NRBP2: variants seen among roughly 807,000 people sequenced by gnomAD.
NRBP2 encodes the protein nuclear receptor-binding protein 2.
Under a neutral mutation model 74.4 loss-of-function variants are expected in NRBP2, and 47 were observed. The ratio of observed to expected loss-of-function variants is 0.63; its 90% CI spans 0.50 to 0.81. NRBP2 has a LOEUF of 0.81. NRBP2 is among the 30% of genes least tolerant of loss of function. The pLI, the probability that NRBP2 is intolerant of heterozygous loss-of-function variation, is 0.00. For missense variants in NRBP2, 613 were observed against 690.1 expected (o/e 0.89, Z 1.25); for synonymous variants, 312 against 273.8 (o/e 1.14, Z -1.38).
Position 143,840,643 on chromosome 8 carries a change from G to T in NRBP2, c.129+63C>A. Reference sequence around the variant, plus strand: ...TCCCAGCGCCCCCACGCCCCGCGCAGCCTCCAGGCCCCTCCCGCTCTGGGA... The same window carrying T: ...TCCCAGCGCCCCCACGCCCCGCGCATCCTCCAGGCCCCTCCCGCTCTGGGA... On this transcript the variant is annotated intron_variant, in intron 1 of 17. Coordinates refer to ENST00000442628, the MANE Select transcript of NRBP2 (RefSeq NM_178564.4). This position sits in a 1 kb window ranked among gnomAD's most constrained non-coding sequence, Gnocchi z 5.7. 1 of 1,348,312 alleles carries T rather than the reference G, an allele frequency of 7.4e-7. No individual in the cohort carries two copies. Among genetic ancestry groups the T allele is most frequent in the Non-Finnish European group, 9.6e-7 (1 of 1,037,546 alleles). 83.5% of individuals were successfully genotyped at this position (1,348,312 alleles called of 1,614,324 possible).
Position 143,840,587 on chromosome 8 carries a change from G to T in NRBP2, c.129+119C>A. The stretch of plus-strand genomic sequence containing the variant: ...GGTGGCTGATTCGCGGGCCGCGAGG[G>T]GCCGCGGAGAGGTTTCCAGCCGCCG... On this transcript the variant is annotated intron_variant, in intron 1 of 17. Transcript: ENST00000442628. The surrounding 1 kb of genome is among the most constrained non-coding windows in gnomAD (Gnocchi z 5.7). The T allele has an allele frequency of 2.9e-6, 3 of 1,031,758 alleles. No individual in the cohort carries two copies. The highest frequency in any genetic ancestry group is 4.0e-6 in the Non-Finnish European group (3 of 755,616). 63.9% of individuals were successfully genotyped at this position (1,031,758 alleles called of 1,614,324 possible). A position where few individuals can be genotyped will look rare whatever the true frequency, so the allele number is the denominator to read the frequency against.
At chr8:143,831,860 CAA>C (rs1335963125), downstream of NRBP2, among the ~76,000 whole-genome samples, 1 of 152,148 alleles carries the variant, frequency 6.6e-6, no homozygotes, top group Non-Finnish European at 1.5e-5. Context: ...CAGGAAGGCA[CAA>C]GAGTTCTTGG....
downstream of NRBP2, among the ~76,000 whole-genome samples, chr8:143,830,032 C>T (rs782653332): frequency 2.6e-5 from 4 of 152,224 alleles, no homozygotes; most frequent in African/African-American, 7.2e-5. Context: ...CCGAAGAAGC[C>T]ACATCTGTAA....
chr8:143,835,709 C>A lies in NRBP2; in HGVS notation c.1459G>T (p.Ala487Ser). The A allele has an allele frequency of 6.2e-7, 1 of 1,600,340 alleles. No individual in the cohort carries two copies. The highest frequency in any genetic ancestry group is 8.5e-7 in the Non-Finnish European group (1 of 1,174,676). ...TTGAGGAAGGTGCTCTCCAGGAAGG[C>A]GGCCAGCTTCATCCGGTCGTCCTGC... is the stretch of plus-strand genomic sequence containing the variant. ...LHEDDRMKLA[A>S]FLESTFLKYR... Residue 487 changes from alanine to serine, a missense_variant, in exon 18 of 18, where the codon GCC (alanine) becomes TCC (serine). Transcript: ENST00000442628. This position sits in a 1 kb window ranked among gnomAD's most constrained non-coding sequence, Gnocchi z 4.9.
intron 14 of NRBP2, 70 bp downstream of exon 14, chr8:143,836,969 G>A (rs1420971711): frequency 2.0e-6 from 3 of 1,525,818 alleles, no homozygotes; most frequent in Non-Finnish European, 1.8e-6. Context: ...CTAAGAGAAG[G>A]AGGGGCACCT....
chr8:143,837,603 C>T lies in NRBP2; in HGVS notation c.973+20G>A, dbSNP rs373661097. On this transcript the variant is annotated intron_variant, in intron 11 of 17. Coordinates refer to ENST00000442628, the MANE Select transcript of NRBP2 (RefSeq NM_178564.4). The surrounding 1 kb of genome is among the most constrained non-coding windows in gnomAD (Gnocchi z 4.3). ...AACCTCCACCTCCCCAGCCACCCCC[C>T]GGGCCGGCCTGCTGCTCACACTGGT... The T allele has an allele frequency of 1.5e-4, 244 of 1,597,842 alleles. 4 individuals carry two copies. In the Middle Eastern group the frequency reaches 8.8e-3, roughly 58 times the overall value.
Position 143,835,808 on chromosome 8 carries a change from C to T in NRBP2, c.1437+12G>A, listed in dbSNP as rs370359045. On this transcript the variant is annotated intron_variant, in intron 17 of 17. Transcript: ENST00000442628. This position sits in a 1 kb window ranked among gnomAD's most constrained non-coding sequence, Gnocchi z 4.9. ...CCCCCTCCGCCAGGCCGCGCCGCACCGCCCAGCGCACCTCGTGGAGGAAGC... is the reference window on the plus strand; with the variant it reads ...CCCCCTCCGCCAGGCCGCGCCGCACTGCCCAGCGCACCTCGTGGAGGAAGC... 1.2e-3 allele frequency: 1,967 copies of T among 1,600,418 alleles called. 4 individuals carry two copies. Among genetic ancestry groups the T allele is most frequent in the Non-Finnish European group, 1.6e-3 (1,835 of 1,174,378 alleles).
Position 143,837,688 on chromosome 8 carries a change from T to C in NRBP2, c.908A>G (p.His303Arg). Residue 303 changes from histidine to arginine, a missense_variant, in exon 11 of 18, where the codon CAC (histidine) becomes CGC (arginine). Physicochemically the swap from His to Arg is conservative, Grantham distance 29. Coordinates refer to ENST00000442628, the MANE Select transcript of NRBP2 (RefSeq NM_178564.4). The surrounding 1 kb of genome is among the most constrained non-coding windows in gnomAD (Gnocchi z 4.3). ...RRPSAHSLLF[H>R]RVLFEVHSLK... ...CGAGTGCACCTCGAAGAGCACGCGG[T>C]GGAAGAGGAGGCTGTGGGCAGAGGG... 6.3e-7 allele frequency: 1 copy of C among 1,577,596 alleles called. No homozygotes were observed. Among genetic ancestry groups the C allele is most frequent in the Non-Finnish European group, 8.6e-7 (1 of 1,161,472 alleles).
At chr8:143,838,099 T>A in intron 10 of NRBP2, 1 of 532,928 alleles carries the variant, frequency 1.9e-6, no homozygotes, top group South Asian at 1.7e-5. Flanking sequence ...ACGACCTTGA[T>A]GGGTCCCCAC....
rs372941754 is a variant in NRBP2 at position 143,835,781 on chromosome 8, C to T, written c.1437+39G>A. ...ACGGAGGGGCGCGGCCTGCCCCGTG[C>T]GCCCCCTCCGCCAGGCCGCGCCGCA... On this transcript the variant is annotated intron_variant, in intron 17 of 17. Transcript: ENST00000442628. This position sits in a 1 kb window ranked among gnomAD's most constrained non-coding sequence, Gnocchi z 4.9. 125 of 1,601,440 alleles carry T rather than the reference C, an allele frequency of 7.8e-5. No homozygotes were observed. Among genetic ancestry groups the T allele is most frequent in the African/African-American group, 7.0e-4 (52 of 74,486 alleles).
chr8:143,830,933 T>C (rs1818137774), downstream of NRBP2, among the ~76,000 whole-genome samples: 2 of 152,218 alleles, frequency 1.3e-5, no homozygotes, highest in Admixed American at 6.5e-5. Flanking sequence ...AGATGAAGTC[T>C]TCCAGAATGT....
In NRBP2 at chr8:143,839,490, G is replaced by C; in HGVS notation, c.485+19C>G. The C allele has an allele frequency of 6.5e-7, 1 of 1,532,690 alleles. No homozygotes were observed. Among genetic ancestry groups the C allele is most frequent in the Non-Finnish European group, 8.7e-7 (1 of 1,145,706 alleles). The allele number at this position is 1,532,690 out of a possible 1,614,324, so 94.9% of individuals were successfully genotyped here. On this transcript the variant is annotated intron_variant, in intron 5 of 17. Transcript: ENST00000442628. This position sits in a 1 kb window ranked among gnomAD's most constrained non-coding sequence, Gnocchi z 5.1. ...TGGGGGCTCGGTGGCGCCGCGCCCAGGCCAGCCCAGGCCCTCACCTGAGCG... is the reference window on the plus strand; with the variant it reads ...TGGGGGCTCGGTGGCGCCGCGCCCACGCCAGCCCAGGCCCTCACCTGAGCG...
rs782041102 is a variant in NRBP2, at chr8:143,837,126, C to T, written c.1176G>A (p.Gly392=). 4 of 1,612,464 alleles carry T rather than the reference C, an allele frequency of 2.5e-6. No individual in the cohort carries two copies. Among genetic ancestry groups the T allele is most frequent in the Non-Finnish European group, 3.4e-6 (4 of 1,178,968 alleles). ...GGGGTGGGGCCAGCACACGGGGCAG[C>T]CCCAGGGGTCGAGTGGCTGCAAAGT... ...LMNFAATRPL[G]LPRVLAPPPE... Residue 392 remains glycine (G), a synonymous_variant, in exon 14 of 18, where the codon GGG becomes GGA. Transcript: ENST00000442628. This position sits in a 1 kb window ranked among gnomAD's most constrained non-coding sequence, Gnocchi z 4.3.
In NRBP2 at chr8:143,839,443, C is replaced by T. The variant is rs781971405; in HGVS notation, c.486-35G>A. 24 of 1,536,836 alleles carry T rather than the reference C, an allele frequency of 1.6e-5. No homozygotes were observed. The highest frequency in any genetic ancestry group is 2.6e-6 in the Non-Finnish European group (3 of 1,147,508). On this transcript the variant is annotated intron_variant, in intron 5 of 17. Coordinates refer to ENST00000442628, the MANE Select transcript of NRBP2 (RefSeq NM_178564.4). The surrounding 1 kb of genome is among the most constrained non-coding windows in gnomAD (Gnocchi z 5.1). ...TTGGGGAGGGGAGAGTAGGAGGAGC[C>T]GGTCAGGAGGCTCTGGAGAGATGGG...
At position 143,835,553 on chromosome 8, in the gene NRBP2, T is replaced by C. The variant is rs1445381971; in HGVS notation, c.*109A>G. ...GGGGGTTCCTTCACTACCGGGGCCT[T>C]TGTGCTCCCAGGCGCATGGAGGAGG... On this transcript the variant is annotated 3_prime_UTR_variant, in exon 18 of 18. Transcript: ENST00000442628. The surrounding 1 kb of genome is among the most constrained non-coding windows in gnomAD (Gnocchi z 4.9). 22 of 938,328 alleles carry C rather than the reference T, an allele frequency of 2.3e-5. No homozygotes were observed. Among genetic ancestry groups the C allele is most frequent in the Admixed American group, 2.6e-5 (1 of 38,766 alleles). 58.1% of individuals were successfully genotyped at this position (938,328 alleles called of 1,614,324 possible).
At position 143,837,024 on chromosome 8, in the gene NRBP2, GGA is replaced by G; in HGVS notation, c.1263+13_1263+14del. 1 of 1,606,002 alleles carries G rather than the reference GGA, an allele frequency of 6.2e-7. No homozygotes were observed. The highest frequency in any genetic ancestry group is 1.1e-5 in the South Asian group (1 of 90,272). On this transcript the variant is annotated intron_variant, in intron 14 of 17. Transcript: ENST00000442628. This position sits in a 1 kb window ranked among gnomAD's most constrained non-coding sequence, Gnocchi z 4.3. ...GTCTGAGGGATGGCACTGAGCAGCA[GGA>G]GAGGGGACTCACCTTTCTGGTCTCA...
At position 143,835,351 on chromosome 8, in the gene NRBP2, G is replaced by A. The variant is rs1818312661; in HGVS notation, c.*311C>T. The A allele has an allele frequency of 2.0e-6, 1 of 491,002 alleles. No individual in the cohort carries two copies. The highest frequency in any genetic ancestry group is 3.7e-6 in the Non-Finnish European group (1 of 273,018). The allele number at this position is 491,002 out of a possible 1,614,324, so 30.4% of individuals were successfully genotyped here. On this transcript the variant is annotated 3_prime_UTR_variant, in exon 18 of 18. Transcript: ENST00000442628. This position sits in a 1 kb window ranked among gnomAD's most constrained non-coding sequence, Gnocchi z 4.9. ...AGGGCAGCCTCCTGCATGCTGAGGA[G>A]GCAGTGGCCCCGGCCAGGCAGCCTG...
rs1554651977 is a variant in NRBP2 at position 143,837,029 on chromosome 8, G to A, written c.1263+10C>T. 6 of 1,607,054 alleles carry A rather than the reference G, an allele frequency of 3.7e-6. No homozygotes were observed. Among genetic ancestry groups the A allele is most frequent in the Non-Finnish European group, 5.1e-6 (6 of 1,178,150 alleles). ...AGGGATGGCACTGAGCAGCAGGAGA[G>A]GGGACTCACCTTTCTGGTCTCAGAG... On this transcript the variant is annotated intron_variant, in intron 14 of 17. Transcript: ENST00000442628. This position sits in a 1 kb window ranked among gnomAD's most constrained non-coding sequence, Gnocchi z 4.3.
In NRBP2 at chr8:143,835,962, C is replaced by T. The variant is rs1554651566; in HGVS notation, c.1381+5G>A. On this transcript the variant is annotated splice_donor_5th_base_variant and intron_variant, in intron 16 of 17. Transcript: ENST00000442628. The surrounding 1 kb of genome is among the most constrained non-coding windows in gnomAD (Gnocchi z 4.9). ...CCCGCCGCCCAAGTCCCCTGCCCAG[C>T]CTACTTGGGAGCAGGTCGTAGGTCA... 2 of 1,593,544 alleles carry T rather than the reference C, an allele frequency of 1.3e-6. No homozygotes were observed. Among genetic ancestry groups the T allele is most frequent in the Non-Finnish European group, 1.7e-6 (2 of 1,173,110 alleles).
Sources: gnomAD v4.1 joint callset for allele counts (sites outside exome capture counted in the v4.1 genomes callset) on GRCh38, gnomAD v4.1.1 for gene constraint, Gnocchi (gnomAD v3.1) non-coding constraint, MANE v1.5 for transcripts, NCBI Gene and HGNC (gene_info 2026-07-23, HGNC 2026-07-21) for gene names.